The following PWWP3A variants were observed in gnomAD, a reference collection of about 807,000 sequenced individuals.
PWWP3A encodes PWWP domain-containing DNA repair factor 3A.
In PWWP3A, 53 loss-of-function variants were observed where a neutral mutation model predicts 79.0. The ratio of observed to expected loss-of-function variants is 0.67; its 90% CI spans 0.54 to 0.84. The LOEUF is 0.84. Among genes scored for constraint, PWWP3A ranks in the 40% least tolerant of loss-of-function variants. PWWP3A has a pLI of 0.00. For synonymous variants in PWWP3A, 443 were observed against 394.4 expected, an observed-to-expected ratio of 1.12 and a Z score of -1.46; for missense variants, 973 against 948.0, an observed-to-expected ratio of 1.03 and a Z score of -0.35.
At position 1,368,285 on chromosome 19, in the gene PWWP3A, C is replaced by T. The variant is rs1322515879; in HGVS notation, c.1423-980C>T. On this transcript the variant is annotated intron_variant, in intron 9 of 13. Transcript: ENST00000591337. This position sits in a 1 kb window ranked among gnomAD's most constrained non-coding sequence, Gnocchi z 4.7. The stretch of plus-strand genomic sequence containing the variant: ...GGGTGAGGAGAAGAGCAGGAAGTTC[C>T]GTGCCTTAAACGCAGAAGGGCTGCC... Among the ~76,000 whole-genome samples the T allele has an allele frequency of 1.3e-5, 2 of 152,080 alleles. No homozygotes were observed. Among genetic ancestry groups the T allele is most frequent in the East Asian group, 1.9e-4 (1 of 5,192 alleles).
chr19:1,377,582 G>T lies in PWWP3A; in HGVS notation c.*1006G>T, dbSNP rs1306586111. On this transcript the variant is annotated 3_prime_UTR_variant, in exon 14 of 14. Coordinates refer to ENST00000591337, the MANE Select transcript of PWWP3A (RefSeq NM_001369789.1). ...CAGCACGGTGCCGGGGCTGCAGGTT[G>T]TTGAGGGCTGTGACTCCGTGGGGCT... 1.3e-5 allele frequency: 2 copies of T among 152,414 alleles called. No individual in the cohort carries two copies. The highest frequency in any genetic ancestry group is 2.4e-5 in the African/African-American group (1 of 41,472). The allele number at this position is 152,414 out of a possible 1,614,324, so 9.4% of individuals were successfully genotyped here. A position where few individuals can be genotyped will look rare whatever the true frequency, so the allele number is the denominator to read the frequency against.
At chr19:1,357,306 C>T in intron 3 of PWWP3A, 1 of 489,696 alleles carries the variant, frequency 2.0e-6, no homozygotes, top group Non-Finnish European at 3.6e-6. Flanking sequence ...ACGAGGCATT[C>T]TGTGAGATCT....
chr19:1,371,476 A>G (rs752392916), intron 12 of PWWP3A: 18 of 687,646 alleles, frequency 2.6e-5, no homozygotes, highest in South Asian at 2.6e-4. Flanking sequence ...GTAAGTTGAA[A>G]AACTGTAAGT....
chr19:1,358,205 C>A (rs1288115392), intron 3 of PWWP3A, 189 bp from the exon 4 acceptor site: 72 of 411,290 alleles, frequency 1.8e-4, no homozygotes, highest in African/African-American at 3.8e-4. Context: ...AAAAAAAAAA[C>A]CATTCACCAG....
intron 12 of PWWP3A, 97 bp downstream of exon 12, chr19:1,371,175 T>G: frequency 7.1e-7 from 1 of 1,413,680 alleles, no homozygotes; most frequent in South Asian, 1.2e-5. Flanking sequence ...TCGCCCCTGC[T>G]CCCTGGCCGT....
intron 13 of PWWP3A, among the ~76,000 whole-genome samples, chr19:1,375,425 A>T (rs1423558241): frequency 5.3e-5 from 4 of 75,044 alleles, no homozygotes; most frequent in East Asian, 2.6e-4. Flanking sequence ...TATATATATA[A>T]AATATATATA....
chr19:1,364,393 C>A, intron 6 of PWWP3A, 116 bp from the exon 7 acceptor site: 1 of 745,038 alleles, frequency 1.3e-6, no homozygotes, highest in Non-Finnish European at 2.3e-6. Flanking sequence ...GACACAAAGT[C>A]AGGTTTTAAC....
Position 1,360,345 on chromosome 19 carries a change from G to A in PWWP3A, c.424G>A (p.Asp142Asn), listed in dbSNP as rs746714448. The change falls in exon 5 of 14, where the codon GAC becomes AAC. Residue 142 changes from aspartate to asparagine, a missense_variant. Coordinates refer to ENST00000591337, the MANE Select transcript of PWWP3A (RefSeq NM_001369789.1). This position sits in a 1 kb window ranked among gnomAD's most constrained non-coding sequence, Gnocchi z 4.4. Reference sequence around the variant, plus strand: ...GAACTCCTCATCTCTTCCCCGCGGAGACGTGTTGGGCAGTTCCAGACCTCA... The same window carrying A: ...GAACTCCTCATCTCTTCCCCGCGGAAACGTGTTGGGCAGTTCCAGACCTCA... ...DSNSSSLPRG[D>N]VLGSSRPHRR... The A allele has an allele frequency of 6.2e-7, 1 of 1,614,148 alleles. No homozygotes were observed. The highest frequency in any genetic ancestry group is 1.1e-5 in the South Asian group (1 of 91,090).
chr19:1,359,939 C>G, intron 4 of PWWP3A, 197 bp from the exon 5 acceptor site: 1 of 512,524 alleles, frequency 2.0e-6, no homozygotes, highest in Non-Finnish European at 3.2e-6. Context: ...CCTCGAATCC[C>G]GGAATGAATA....
intron 1 of PWWP3A, among the ~76,000 whole-genome samples, chr19:1,355,553 G>C (rs577202336): frequency 1.6e-5 from 2 of 125,984 alleles, no homozygotes; most frequent in Non-Finnish European, 3.2e-5. Context: ...GTGAGCCCTC[G>C]TTCTTGCTCC....
At chr19:1,365,606 C>G (rs1382401895) in intron 7 of PWWP3A, among the ~76,000 whole-genome samples, 2 of 152,276 alleles carry the variant, frequency 1.3e-5, no homozygotes, top group African/African-American at 4.8e-5. Context: ...CCTTGTGTCG[C>G]CTACTGGCCG....
At position 1,376,703 on chromosome 19, in the gene PWWP3A, C is replaced by A. The variant is rs1035775473; in HGVS notation, c.*127C>A. 2.7e-6 allele frequency: 2 copies of A among 741,594 alleles called. No homozygotes were observed. Among genetic ancestry groups the A allele is most frequent in the Admixed American group, 2.8e-5 (1 of 35,724 alleles). 45.9% of individuals were successfully genotyped at this position (741,594 alleles called of 1,614,324 possible). On this transcript the variant is annotated 3_prime_UTR_variant, in exon 14 of 14. Coordinates refer to ENST00000591337, the MANE Select transcript of PWWP3A (RefSeq NM_001369789.1). Reference sequence around the variant, plus strand: ...TTGGACCTGTCTGTGCGTTCTCCTGCGTGGCAGTCCTGATTTCCATGCTTC... The same window carrying A: ...TTGGACCTGTCTGTGCGTTCTCCTGAGTGGCAGTCCTGATTTCCATGCTTC...
chr19:1,371,529 A>ACACACAAAT, intron 12 of PWWP3A: 1 of 631,460 alleles, frequency 1.6e-6, no homozygotes, highest in South Asian at 1.8e-5. Flanking sequence ...GGTAAGTTAA[A>ACACACAAAT]CACACAAATT....
intron 12 of PWWP3A, chr19:1,372,186 T>A (rs969769196): frequency 1.3e-5 from 2 of 152,358 alleles, no homozygotes; most frequent in Admixed American, 6.6e-5. Context: ...ACACTGGCAG[T>A]GTCTGGGGAC....
intron 4 of PWWP3A, chr19:1,358,778 G>A: frequency 1.1e-6 from 1 of 900,504 alleles, no homozygotes; most frequent in Admixed American, 2.1e-5. Context: ...CATAAGGGGG[G>A]AGGTCCTCCT....
At position 1,371,556 on chromosome 19, in the gene PWWP3A, C is replaced by T. The variant is rs1271989633; in HGVS notation, c.1986+478C>T. 19 of 607,878 alleles carry T rather than the reference C, an allele frequency of 3.1e-5. 1 individual carries two copies. The highest frequency in any genetic ancestry group is 2.5e-4 in the South Asian group (13 of 51,528). 37.7% of individuals were successfully genotyped at this position (607,878 alleles called of 1,614,324 possible). A position where few individuals can be genotyped will look rare whatever the true frequency, so the allele number is the denominator to read the frequency against. ...ACACAAATTAGACTGTCTGTGATTT[C>T]GAACTTCAGCTGCGGATTTGGGGCT... On this transcript the variant is annotated intron_variant, in intron 12 of 13. Transcript: ENST00000591337.
rs1429769376 is a variant in PWWP3A, at chr19:1,358,488, C to T, written c.214+24C>T. The T allele has an allele frequency of 2.5e-6, 4 of 1,611,792 alleles. No individual in the cohort carries two copies. In the African/African-American group the frequency reaches 5.3e-5, roughly 22 times the overall value. On this transcript the variant is annotated intron_variant, in intron 4 of 13. Coordinates refer to ENST00000591337, the MANE Select transcript of PWWP3A (RefSeq NM_001369789.1). ...AGGTAAGAGCGTATTTTTAAGTGGCCACTAGGTTTTCATAAAATAAGAGGT... is the reference window on the plus strand; with the variant it reads ...AGGTAAGAGCGTATTTTTAAGTGGCTACTAGGTTTTCATAAAATAAGAGGT...
rs2082295845 is a variant in PWWP3A, at chr19:1,373,067, C to T, written c.1987-5C>T. ...GCTGCTATTGAGCCCCGTGCCCTCT[C>T]ACAGGCCATCATCTGTGCGATCTCT... On this transcript the variant is annotated splice_polypyrimidine_tract_variant and splice_region_variant and intron_variant, in intron 12 of 13. Coordinates refer to ENST00000591337, the MANE Select transcript of PWWP3A (RefSeq NM_001369789.1). 1 of 1,613,928 alleles carries T rather than the reference C, an allele frequency of 6.2e-7. No individual in the cohort carries two copies. Among genetic ancestry groups the T allele is most frequent in the African/African-American group, 1.3e-5 (1 of 74,946 alleles).
chr19:1,364,437 A>AC lies in PWWP3A; in HGVS notation c.1214-71dup, dbSNP rs2082086533. Reference sequence around the variant, plus strand: ...GCTAACTGTGTTTTCTCAGGCTGTTACACCTGGTGCTTGATATGGATTTGA... The same window carrying AC: ...GCTAACTGTGTTTTCTCAGGCTGTTACCACCTGGTGCTTGATATGGATTTGA... On this transcript the variant is annotated intron_variant, in intron 6 of 13. Transcript: ENST00000591337. 67 of 1,133,740 alleles carry AC rather than the reference A, an allele frequency of 5.9e-5. 1 individual carries two copies. In the South Asian group the frequency reaches 8.0e-4, roughly 14 times the overall value. The allele number at this position is 1,133,740 out of a possible 1,614,324, so 70.2% of individuals were successfully genotyped here. A position where few individuals can be genotyped will look rare whatever the true frequency, so the allele number is the denominator to read the frequency against.
Sources: allele counts gnomAD v4.1 joint callset (sites outside exome capture counted in the v4.1 genomes callset), GRCh38; gene constraint gnomAD v4.1.1; non-coding constraint Gnocchi (gnomAD v3.1); transcripts MANE v1.5; gene names NCBI Gene and HGNC (gene_info 2026-07-23, HGNC 2026-07-21).